The following FBXL12 variants were observed in gnomAD, a reference collection of about 807,000 sequenced individuals.
FBXL12 encodes F-box/LRR-repeat protein 12.
A neutral mutation model predicts 24.9 loss-of-function variants in FBXL12; 22 were observed. The ratio of observed to expected loss-of-function variants is 0.88; its 90% CI spans 0.63 to 1.26. FBXL12 has a LOEUF of 1.26. Ranked by LOEUF, FBXL12 falls within the 50% of genes most tolerant of loss-of-function variation. The pLI is 0.00. For missense variants in FBXL12, 384 were observed against 434.1 expected (o/e 0.88, Z 1.03); for synonymous variants, 193 against 193.8 (o/e 1.00, Z 0.03).
At chr19:9,812,799 C>T (rs1415890416) in intron 2 of FBXL12, among the ~76,000 whole-genome samples, 1 of 149,404 alleles carries the variant, frequency 6.7e-6, no homozygotes, top group Non-Finnish European at 1.5e-5. Context: ...AAAGGCTGGG[C>T]ACGGTGGCTC....
In FBXL12 at chr19:9,815,387, T is replaced by C. The variant is rs1278691166; in HGVS notation, c.159+3158A>G. Among the ~76,000 whole-genome samples the C allele has an allele frequency of 1.3e-5, 2 of 152,076 alleles. 1 individual carries two copies. The highest frequency in any genetic ancestry group is 1.3e-4 in the Admixed American group (2 of 15,258). On this transcript the variant is annotated intron_variant, in intron 2 of 2. Coordinates refer to ENST00000247977, the MANE Select transcript of FBXL12 (RefSeq NM_017703.3). Reference sequence around the variant, plus strand: ...GCTGCTTTCACAGGCTGGTGTTGAGTGTCTGAAGCTTTTCCAGGTGCATGG... The same window carrying C: ...GCTGCTTTCACAGGCTGGTGTTGAGCGTCTGAAGCTTTTCCAGGTGCATGG...
Position 9,819,068 on chromosome 19 carries a change from G to T in FBXL12, c.-255C>A, listed in dbSNP as rs566355564. ...CTGAGGCGTGATTTGGCCGCGACTG[G>T]GAACTAAGACCAAGTCCAGAAGGCG... On this transcript the variant is annotated 5_prime_UTR_variant, in exon 1 of 3. Coordinates refer to ENST00000247977, the MANE Select transcript of FBXL12 (RefSeq NM_017703.3). 2.7e-5 allele frequency: 15 copies of T among 565,754 alleles called. No individual in the cohort carries two copies. Among genetic ancestry groups the T allele is most frequent in the Admixed American group, 1.3e-4 (4 of 31,302 alleles). 35.0% of individuals were successfully genotyped at this position (565,754 alleles called of 1,614,324 possible).
At position 9,811,126 on chromosome 19, in the gene FBXL12, T is replaced by C. The variant is rs760082688; in HGVS notation, c.751A>G (p.Met251Val). ...AGGCACAGACTCTCCAGGGCCGGCATTCCCTCCAGCACAGCCAGGCCAGGG... is the reference window on the plus strand; with the variant it reads ...AGGCACAGACTCTCCAGGGCCGGCACTCCCTCCAGCACAGCCAGGCCAGGG... ...SAPGLAVLEGMPALESLCLQG... is the reference protein window; with the variant it reads ...SAPGLAVLEGVPALESLCLQG... The change falls in exon 3 of 3, where the codon ATG becomes GTG. Residue 251 changes from methionine to valine, a missense_variant. Coordinates refer to ENST00000247977, the MANE Select transcript of FBXL12 (RefSeq NM_017703.3). The surrounding 1 kb of genome is among the most constrained non-coding windows in gnomAD (Gnocchi z 6.0). 3 of 1,605,008 alleles carry C rather than the reference T, an allele frequency of 1.9e-6. No individual in the cohort carries two copies. The highest frequency in any genetic ancestry group is 4.5e-5 in the East Asian group (2 of 44,560).
chr19:9,811,841 C>T lies in FBXL12; in HGVS notation c.160-124G>A. On this transcript the variant is annotated intron_variant, in intron 2 of 2. Coordinates refer to ENST00000247977, the MANE Select transcript of FBXL12 (RefSeq NM_017703.3). This position sits in a 1 kb window ranked among gnomAD's most constrained non-coding sequence, Gnocchi z 6.0. ...GTGCCCTGCTGGGCTTCTGCCCTTG[C>T]CTAGCCAGTCTCCTCCCCAGGTTCA... is the stretch of plus-strand genomic sequence containing the variant. 1 of 762,238 alleles carries T rather than the reference C, an allele frequency of 1.3e-6. No homozygotes were observed. Among genetic ancestry groups the T allele is most frequent in the Non-Finnish European group, 1.9e-6 (1 of 520,352 alleles). 47.2% of individuals were successfully genotyped at this position (762,238 alleles called of 1,614,324 possible). A position where few individuals can be genotyped will look rare whatever the true frequency, so the allele number is the denominator to read the frequency against.
At chr19:9,815,526 A>G (rs2045861109) in intron 2 of FBXL12, among the ~76,000 whole-genome samples, 1 of 152,108 alleles carries the variant, frequency 6.6e-6, no homozygotes, top group South Asian at 2.1e-4. Context: ...CTGACCCCAC[A>G]TTTCCCTTCC....
chr19:9,811,550 C>A lies in FBXL12; in HGVS notation c.327G>T (p.Leu109=). The part of the protein sequence containing the change: ...QKCPNLKRLC[L]HVADLSMVPI... ...GCACCATGCTCAGGTCGGCCACGTG[C>A]AGGCAGAGGCGCTTCAGGTTGGGGC... Residue 109 remains leucine, a synonymous_variant, in exon 3 of 3, where the codon CTG becomes CTT. Transcript: ENST00000247977. The surrounding 1 kb of genome is among the most constrained non-coding windows in gnomAD (Gnocchi z 6.0). 1 of 1,605,472 alleles carries A rather than the reference C, an allele frequency of 6.2e-7. No individual in the cohort carries two copies. Among genetic ancestry groups the A allele is most frequent in the Non-Finnish European group, 8.5e-7 (1 of 1,174,618 alleles).
chr19:9,816,350 C>G (rs997184064), intron 2 of FBXL12, among the ~76,000 whole-genome samples: 4 of 152,172 alleles, frequency 2.6e-5, no homozygotes, highest in Non-Finnish European at 5.9e-5. Flanking sequence ...CCAAACTTTT[C>G]TGCTCTGCTT....
Position 9,818,749 on chromosome 19 carries a change from C to A in FBXL12, c.65G>T (p.Arg22Leu). The A allele has an allele frequency of 6.4e-7, 1 of 1,552,182 alleles. No individual in the cohort carries two copies. The change falls in exon 1 of 3, where the codon CGG (arginine) becomes CTG (leucine). Residue 22 changes from arginine (R) to leucine (L), a missense_variant. Coordinates refer to ENST00000247977, the MANE Select transcript of FBXL12 (RefSeq NM_017703.3). ...GCACCTGGAGATGCGGATCCGGTCC[C>A]GTACCGGGAGGTAAGAGAAGATCTC... ...LLEIFSYLPV[R>L]DRIRISRVCH... is the part of the protein sequence containing the mutation.
rs149891388 is a variant in FBXL12 at position 9,811,379 on chromosome 19, G to A, written c.498C>T (p.Asp166=). The change falls in exon 3 of 3, where the codon GAC becomes GAT. Residue 166 remains aspartate, a synonymous_variant. Transcript: ENST00000247977. This position sits in a 1 kb window ranked among gnomAD's most constrained non-coding sequence, Gnocchi z 6.0. ...AGCGCGTCAGGCCCTGCAGGTGCTC[G>A]TCACGGAAGGCGGGGACGCGGTCCA... is the stretch of plus-strand genomic sequence containing the variant. ...IVLDRVPAFR[D]EHLQGLTRFR... The A allele has an allele frequency of 3.2e-5, 52 of 1,612,374 alleles. No homozygotes were observed. The highest frequency in any genetic ancestry group is 3.1e-4 in the South Asian group (28 of 91,082).
In FBXL12 at chr19:9,812,254, G is replaced by C. The variant is rs187012848; in HGVS notation, c.160-537C>G. Among the ~76,000 whole-genome samples the C allele has an allele frequency of 2.8e-3, 427 of 152,176 alleles. 1 individual carries two copies. The highest frequency in any genetic ancestry group is 9.9e-3 in the African/African-American group (412 of 41,522). On this transcript the variant is annotated intron_variant, in intron 2 of 2. Coordinates refer to ENST00000247977, the MANE Select transcript of FBXL12 (RefSeq NM_017703.3). The stretch of plus-strand genomic sequence containing the variant: ...CTTAGAATAAATCTGGTAGGGGCTG[G>C]GCACAGTGGCTCATGCCTGTAATCC...
intron 2 of FBXL12, among the ~76,000 whole-genome samples, chr19:9,817,811 T>C (rs2045914164): frequency 6.6e-6 from 1 of 152,204 alleles, no homozygotes; most frequent in African/African-American, 2.4e-5. Flanking sequence ...AACACTATAA[T>C]TGTTTTTGGA....
rs570385180 is a variant in FBXL12, at chr19:9,813,496, C to T, written c.160-1779G>A. 3.2e-3 allele frequency: 873 copies of T among 268,866 alleles called. 5 individuals carry two copies. Among genetic ancestry groups the T allele is most frequent in the Non-Finnish European group, 3.3e-3 (477 of 146,300 alleles). 16.7% of individuals were successfully genotyped at this position (268,866 alleles called of 1,614,324 possible). On this transcript the variant is annotated intron_variant, in intron 2 of 2. Coordinates refer to ENST00000247977, the MANE Select transcript of FBXL12 (RefSeq NM_017703.3). ...GATTACAGGCATGTGCCACCATGCC[C>T]GGCTAATTTTTTTTTTTTTTTTTGA...
At chr19:9,816,580 C>T (rs2045889663) in intron 2 of FBXL12, among the ~76,000 whole-genome samples, 1 of 152,220 alleles carries the variant, frequency 6.6e-6, no homozygotes, top group Non-Finnish European at 1.5e-5. Context: ...CCATCTGAGA[C>T]CACCTCAGCC....
rs2045740115 is a variant in FBXL12, at chr19:9,811,217, C to T, written c.660G>A (p.Leu220=). 1 of 1,613,276 alleles carries T rather than the reference C, an allele frequency of 6.2e-7. No individual in the cohort carries two copies. Among genetic ancestry groups the T allele is most frequent in the Non-Finnish European group, 8.5e-7 (1 of 1,179,792 alleles). ...LGCTLSADST[L]LAISRHLRDV... is the part of the protein sequence containing the mutation. Reference sequence around the variant, plus strand: ...CTCGGAGGTGGCGGCTGATGGCCAGCAGGGTGCTGTCGGCAGACAGGGTGC... The same window carrying T: ...CTCGGAGGTGGCGGCTGATGGCCAGTAGGGTGCTGTCGGCAGACAGGGTGC... The change falls in exon 3 of 3, where the codon CTG becomes CTA. Residue 220 remains leucine (L), a synonymous_variant. Transcript: ENST00000247977. This position sits in a 1 kb window ranked among gnomAD's most constrained non-coding sequence, Gnocchi z 6.0.
chr19:9,818,801 C>G lies in FBXL12; in HGVS notation c.13G>C (p.Val5Leu), dbSNP rs1240893812. The change falls in exon 1 of 3, where the codon GTC (valine) becomes CTC (leucine). Residue 5 changes from valine (V) to leucine (L), a missense_variant. By Grantham distance (32) the Val-to-Leu change is conservative. Coordinates refer to ENST00000247977, the MANE Select transcript of FBXL12 (RefSeq NM_017703.3). MATL[V>L]ELPDSVLLEI... is the part of the protein sequence containing the mutation. ...AGCAGGACCGAGTCCGGCAGTTCGA[C>G]CAAAGTCGCCATGATCCCGCCGACA... 2 of 1,552,462 alleles carry G rather than the reference C, an allele frequency of 1.3e-6. No homozygotes were observed. The highest frequency in any genetic ancestry group is 8.7e-7 in the Non-Finnish European group (1 of 1,146,296).
At chr19:9,815,946 G>T (rs2045873775) in intron 2 of FBXL12, among the ~76,000 whole-genome samples, 2 of 152,186 alleles carry the variant, frequency 1.3e-5, no homozygotes, top group South Asian at 4.1e-4. Flanking sequence ...ACTGTGCCTG[G>T]CCCTGAACCT....
rs954938568 is a variant in FBXL12 at position 9,811,199 on chromosome 19, G to A, written c.678C>T (p.His226=). ...ADSTLLAISR[H]LRDVRKIRLT... is the part of the protein sequence containing the mutation. ...GCCGGATCTTGCGCACATCTCGGAGGTGGCGGCTGATGGCCAGCAGGGTGC... is the reference window on the plus strand; with the variant it reads ...GCCGGATCTTGCGCACATCTCGGAGATGGCGGCTGATGGCCAGCAGGGTGC... The change falls in exon 3 of 3, where the codon CAC becomes CAT. Residue 226 remains histidine (H), a synonymous_variant. Coordinates refer to ENST00000247977, the MANE Select transcript of FBXL12 (RefSeq NM_017703.3). This position sits in a 1 kb window ranked among gnomAD's most constrained non-coding sequence, Gnocchi z 6.0. 2 of 1,613,218 alleles carry A rather than the reference G, an allele frequency of 1.2e-6. No homozygotes were observed. Among genetic ancestry groups the A allele is most frequent in the Non-Finnish European group, 1.7e-6 (2 of 1,179,546 alleles).
In FBXL12 at chr19:9,811,654, G is replaced by A. The variant is rs1399689918; in HGVS notation, c.223C>T (p.Arg75Trp). ...RYMASRLHSL[R>W]MGGYLFSGSQ... ...CCAGAGAACAGGTAGCCACCCATCC[G>A]CAGGGAATGGAGCCGGGATGCCATG... Residue 75 changes from arginine (R) to tryptophan (W), a missense_variant, in exon 3 of 3, where the codon CGG becomes TGG. Transcript: ENST00000247977. The surrounding 1 kb of genome is among the most constrained non-coding windows in gnomAD (Gnocchi z 6.0). 1 of 1,521,790 alleles carries A rather than the reference G, an allele frequency of 6.6e-7. No individual in the cohort carries two copies. The highest frequency in any genetic ancestry group is 2.3e-5 in the East Asian group (1 of 44,014). 94.3% of individuals were successfully genotyped at this position (1,521,790 alleles called of 1,614,324 possible).
chr19:9,817,335 G>T (rs1266296197), intron 2 of FBXL12, among the ~76,000 whole-genome samples: 1 of 152,182 alleles, frequency 6.6e-6, no homozygotes, highest in Non-Finnish European at 1.5e-5. Flanking sequence ...AATGTTATGG[G>T]CTACTTTTGA....
Sources: gnomAD v4.1 joint callset for allele counts (sites outside exome capture counted in the v4.1 genomes callset) on GRCh38, gnomAD v4.1.1 for gene constraint, Gnocchi (gnomAD v3.1) non-coding constraint, MANE v1.5 for transcripts, NCBI Gene and HGNC (gene_info 2026-07-23, HGNC 2026-07-21) for gene names.